The following NDST4 variants were observed in gnomAD, a reference collection of about 807,000 sequenced individuals.
The protein encoded by NDST4 is N-heparan sulfate sulfotransferase 4.
Under a neutral mutation model 100.8 loss-of-function variants are expected in NDST4, and 63 were observed. That is an observed-to-expected ratio of 0.62 (90% confidence interval 0.51 to 0.77). NDST4 has a LOEUF of 0.77. Among genes scored for constraint, NDST4 ranks in the 30% least tolerant of loss-of-function variants. NDST4 has a pLI of 0.00. For missense variants in NDST4, 943 were observed against 1,018.4 expected, an observed-to-expected ratio of 0.93 and a Z score of 1.01; for synonymous variants, 377 against 361.8, an observed-to-expected ratio of 1.04 and a Z score of -0.48.
chr4:114,964,211 G>C (rs1160941107), intron 4 of NDST4, among the ~76,000 whole-genome samples: 1 of 152,126 alleles, frequency 6.6e-6, no homozygotes, highest in African/African-American at 2.4e-5. Context: ...GGGAAATTGA[G>C]GTCTTCAATC....
At chr4:114,989,541 C>T (rs1049372506) in intron 2 of NDST4, among the ~76,000 whole-genome samples, 6 of 152,270 alleles carry the variant, frequency 3.9e-5, no homozygotes, top group Middle Eastern at 6.8e-3. Context: ...ATTACTAATA[C>T]ATTGCAGTTG....
chr4:114,865,680 G>A (rs1724012568), intron 7 of NDST4, among the ~76,000 whole-genome samples: 1 of 149,256 alleles, frequency 6.7e-6, no homozygotes, highest in Non-Finnish European at 1.5e-5. Flanking sequence ...ATTTTCAAGG[G>A]AGCTATCTGC....
rs1433759857 is a variant in NDST4, at chr4:114,892,789, C to A, written c.1537-21839G>T. 3.3e-5 allele frequency among the ~76,000 whole-genome samples: 5 copies of A among 150,800 alleles called. No individual in the cohort carries two copies. In the South Asian group the frequency reaches 1.0e-3, roughly 32 times the overall value. On this transcript the variant is annotated intron_variant, in intron 6 of 13. Coordinates refer to ENST00000264363, the MANE Select transcript of NDST4 (RefSeq NM_022569.3). The stretch of plus-strand genomic sequence containing the variant: ...TCATAGTTTATTTATTTATTTATTT[C>A]TTCTTCTTAAAAAAGGGGTACATTT...
At chr4:114,862,548 T>C (rs190133400) in intron 7 of NDST4, among the ~76,000 whole-genome samples, 250 of 152,286 alleles carry the variant, frequency 1.6e-3, no homozygotes, top group African/African-American at 5.4e-3. Context: ...TCATTGCCAC[T>C]GTTGAATGTC....
intron 6 of NDST4, among the ~76,000 whole-genome samples, chr4:114,895,024 A>T (rs1724682752): frequency 2.0e-5 from 3 of 152,158 alleles, no homozygotes; most frequent in Admixed American, 2.0e-4. Flanking sequence ...AAATGCCCAC[A>T]TCAGAAAGCT....
intron 4 of NDST4, among the ~76,000 whole-genome samples, chr4:114,967,798 T>C (rs1726417543): frequency 7.2e-6 from 1 of 137,998 alleles, no homozygotes; most frequent in Non-Finnish European, 1.6e-5. Flanking sequence ...TAAAAAAAAT[T>C]AGGTGTTTTA....
rs553334564 is a variant in NDST4 at position 114,909,650 on chromosome 4, A to G, written c.1536+25556T>C. Among the ~76,000 whole-genome samples, 29 of 142,610 alleles carry G rather than the reference A, an allele frequency of 2.0e-4. 1 individual carries two copies. The highest frequency in any genetic ancestry group is 7.6e-4 in the African/African-American group (28 of 36,768). 93.6% of individuals were successfully genotyped at this position (142,610 alleles called of 152,430 possible). The stretch of plus-strand genomic sequence containing the variant: ...AGTCTGCAGTCCGGCCTGCTGGGCG[A>G]CAGAGCGAGACTCCGTCTCAAAAAA... On this transcript the variant is annotated intron_variant, in intron 6 of 13. Transcript: ENST00000264363.
At chr4:115,071,240 C>G (rs535550627) in intron 2 of NDST4, among the ~76,000 whole-genome samples, 102 of 151,744 alleles carry the variant, frequency 6.7e-4, no homozygotes, top group African/African-American at 2.4e-3. Context: ...ATCTCTACCT[C>G]AAAATAGAAA....
In NDST4 at chr4:115,076,232, C is replaced by T. The variant is rs768734297; in HGVS notation, c.805G>A (p.Val269Ile). 4 of 1,613,860 alleles carry T rather than the reference C, an allele frequency of 2.5e-6. No homozygotes were observed. Among genetic ancestry groups the T allele is most frequent in the Non-Finnish European group, 3.4e-6 (4 of 1,179,954 alleles). Residue 269 changes from valine to isoleucine, a missense_variant, in exon 2 of 14, where the codon GTA becomes ATA. Val to Ile is a conservative substitution (Grantham distance 29). Transcript: ENST00000264363. Reference protein sequence around the residue: ...DLGLHDGIQRVLFGNNLNFWL... With the variant: ...DLGLHDGIQRILFGNNLNFWL... ...AAGTTCAAGTTGTTGCCAAAAAGTA[C>T]TCTCTGAATTCCATCATGAAGCCCC...
intron 2 of NDST4, among the ~76,000 whole-genome samples, chr4:115,006,856 G>T (rs1417998423): frequency 1.3e-5 from 2 of 152,066 alleles, no homozygotes; most frequent in South Asian, 4.1e-4. Context: ...TGGTTATGGT[G>T]TGAATGGAGA....
At chr4:114,932,343 T>C (rs569870075) in intron 6 of NDST4, among the ~76,000 whole-genome samples, 29 of 152,022 alleles carry the variant, frequency 1.9e-4, no homozygotes, top group African/African-American at 6.7e-4. Context: ...AAAATATTCA[T>C]CACAACACAA....
chr4:114,828,100 A>G (rs960552405), intron 13 of NDST4, among the ~76,000 whole-genome samples, 165 bp from the exon 14 acceptor site: 6 of 152,116 alleles, frequency 3.9e-5, no homozygotes, highest in Admixed American at 2.0e-4. Context: ...CCTTTTGAAA[A>G]TATTTGGCAA....
intron 1 of NDST4, among the ~76,000 whole-genome samples, chr4:115,102,704 CTTTT>C (rs751431042): frequency 3.3e-5 from 3 of 90,576 alleles, no homozygotes; most frequent in African/African-American, 9.6e-5. Context: ...TTCTGACTTC[CTTTT>C]TTTTTTTTTT....
intron 2 of NDST4, among the ~76,000 whole-genome samples, chr4:115,003,164 T>A (rs974365897): frequency 6.6e-6 from 1 of 152,096 alleles, no homozygotes; most frequent in African/African-American, 2.4e-5. Context: ...GGTTGATGGG[T>A]GCAGCAAAGC....
chr4:115,046,737 G>A (rs561396216), intron 2 of NDST4, among the ~76,000 whole-genome samples: 1 of 152,020 alleles, frequency 6.6e-6, no homozygotes, highest in Non-Finnish European at 1.5e-5. Flanking sequence ...CTGGAAAATT[G>A]TTTATTCAGG....
chr4:114,996,032 G>A (rs558194892), intron 2 of NDST4, among the ~76,000 whole-genome samples: 3 of 152,114 alleles, frequency 2.0e-5, no homozygotes, highest in African/African-American at 7.2e-5. Flanking sequence ...ATTTCCATAG[G>A]AAACTTATCT....
intron 6 of NDST4, among the ~76,000 whole-genome samples, chr4:114,926,381 C>CA (rs1725387263): frequency 6.6e-6 from 1 of 151,800 alleles, no homozygotes; most frequent in Non-Finnish European, 1.5e-5. Flanking sequence ...TTGGCTGAAT[C>CA]AAAAAATATA....
In NDST4 at chr4:114,827,884, TG is replaced by T; in HGVS notation, c.2550del (p.Lys851AsnfsTer14). On this transcript the variant is annotated frameshift_variant, in exon 14 of 14. Transcript: ENST00000264363. LOFTEE classifies it high-confidence loss of function. ...NYYRDHNVEL[S>X]KLLHRLGQPL... ...GGCTGTCCCAGTCTGTGTAGCAGTT[TG>T]GATAGTTCCACATTATGATCTCGGT... 1 of 1,612,130 alleles carries T rather than the reference TG, an allele frequency of 6.2e-7. No individual in the cohort carries two copies.
chr4:115,052,377 T>C (rs755382250), intron 2 of NDST4, among the ~76,000 whole-genome samples: 3 of 152,170 alleles, frequency 2.0e-5, no homozygotes, highest in Non-Finnish European at 2.9e-5. Context: ...CCTTGTAGTT[T>C]GTCAGGATAA....
Sources: gnomAD v4.1 joint callset for allele counts (sites outside exome capture counted in the v4.1 genomes callset) on GRCh38, gnomAD v4.1.1 for gene constraint, MANE v1.5 for transcripts, NCBI Gene and HGNC (gene_info 2026-07-23, HGNC 2026-07-21) for gene names.